Variants in PACRGL observed in about 807,000 individuals in gnomAD.
PACRGL encodes the protein PACRG-like protein.
Under a neutral mutation model 34.5 loss-of-function variants are expected in PACRGL, and 38 were observed. The observed-to-expected ratio is 1.10, with a 90% confidence interval of 0.85 to 1.44. The LOEUF (loss-of-function observed/expected upper bound fraction) is 1.44. PACRGL is among the 40% of genes most tolerant of loss of function. The pLI is 0.00. For synonymous variants in PACRGL, 128 were observed against 100.1 expected (o/e 1.28, Z -1.66); for missense variants, 305 against 281.4 (o/e 1.08, Z -0.60).
rs12640054 is a variant in PACRGL, at chr4:20,722,627, G to A, written c.610-2181G>A. ...CTGCCTGCCTGTGTGGTTGACTTTA[G>A]TCTACACCCTCTCTAGAAATCGAGC... On this transcript the variant is annotated intron_variant, in intron 7 of 8. Transcript: ENST00000503585. Among the ~76,000 whole-genome samples the A allele has an allele frequency of 2.3e-3, 354 of 152,200 alleles. 8 individuals are homozygous for A. The South Asian group carries it at 0.046, about 20-fold the overall frequency.
At position 20,730,493 on chromosome 4, in the gene PACRGL, C is replaced by T. The variant is rs1426556339; in HGVS notation, c.*3152C>T. Among the ~76,000 whole-genome samples, 2 of 152,078 alleles carry T rather than the reference C, an allele frequency of 1.3e-5. No homozygotes were observed. Among genetic ancestry groups the T allele is most frequent in the African/African-American group, 4.8e-5 (2 of 41,406 alleles). On this transcript the variant is annotated 3_prime_UTR_variant, in exon 9 of 9. Coordinates refer to ENST00000503585, the MANE Select transcript of PACRGL (RefSeq NM_001258345.3). ...TTTGGCATTCTATGTAGATCACAGG[C>T]CAAATCACACAGACTTTTATACAGG...
the PACRGL span, among the ~76,000 whole-genome samples, chr4:20,764,677 A>G: frequency 1.2e-5 from 1 of 84,304 alleles, no homozygotes; most frequent in Admixed American, 1.5e-4. Context: ...TCACATGGGA[A>G]TTGGACACAC....
intron 7 of PACRGL, among the ~76,000 whole-genome samples, chr4:20,721,005 T>C (rs1176038152): frequency 1.3e-5 from 2 of 152,218 alleles, no homozygotes; most frequent in Non-Finnish European, 2.9e-5. Context: ...TCCATATTTC[T>C]TGGAGGCTTT....
rs1747989489 is a variant in PACRGL at position 20,730,979 on chromosome 4, C to T, written c.*3638C>T. On this transcript the variant is annotated 3_prime_UTR_variant, in exon 9 of 9. Transcript: ENST00000503585. ...CTGCATGGAAATCCAAGTTGAGAGA[C>T]AAGCAGACATCCAGAAAAGTAAGAA... Among the ~76,000 whole-genome samples, 1 of 152,118 alleles carries T rather than the reference C, an allele frequency of 6.6e-6. No individual in the cohort carries two copies. Among genetic ancestry groups the T allele is most frequent in the African/African-American group, 2.4e-5 (1 of 41,422 alleles).
At chr4:20,760,510 A>G in the PACRGL span, among the ~76,000 whole-genome samples, 1 of 152,026 alleles carries the variant, frequency 6.6e-6, no homozygotes, top group Non-Finnish European at 1.5e-5. Context: ...CTATTTTCTC[A>G]TTTGTTGTTT....
chr4:20,742,860 A>C (rs1224938838), intron 8 of PACRGL, among the ~76,000 whole-genome samples: 1 of 152,202 alleles, frequency 6.6e-6, no homozygotes, highest in Non-Finnish European at 1.5e-5. Context: ...AAGCAACTTA[A>C]GCGAAGTCTC....
chr4:20,730,019 C>G lies in PACRGL; in HGVS notation c.*2678C>G, dbSNP rs1298731490. The G allele has an allele frequency of 6.5e-7, 1 of 1,539,288 alleles. No homozygotes were observed. Among genetic ancestry groups the G allele is most frequent in the African/African-American group, 1.4e-5 (1 of 71,962 alleles). On this transcript the variant is annotated 3_prime_UTR_variant, in exon 9 of 9. Coordinates refer to ENST00000503585, the MANE Select transcript of PACRGL (RefSeq NM_001258345.3). ...GCAATCTATGCTAAAAGTGGTAGCT[C>G]CAACTTTAAGGGTGGTAGAATAGTT...
At chr4:20,701,047 G>GAATTTTTAGA (rs1731938512) in intron 1 of PACRGL, among the ~76,000 whole-genome samples, 2 of 152,194 alleles carry the variant, frequency 1.3e-5, no homozygotes, top group African/African-American at 4.8e-5. Context: ...TTGGGCTCTG[G>GAATTTTTAGA]GTCTTTTAGA....
rs111289569 is a variant in PACRGL at position 20,747,172 on chromosome 4, A to G, written c.*57-5393A>G. Among the ~76,000 whole-genome samples the G allele has an allele frequency of 7.1e-3, 1,076 of 152,314 alleles. 14 individuals carry two copies. The highest frequency in any genetic ancestry group is 0.024 in the African/African-American group (990 of 41,568). Reference sequence around the variant, plus strand: ...ACATAAATATTATAAAAGCAATGTTATGCATGGTTCCATATCATTAACACC... The same window carrying G: ...ACATAAATATTATAAAAGCAATGTTGTGCATGGTTCCATATCATTAACACC... On this transcript the variant is annotated intron_variant, in intron 8 of 8. Coordinates refer to the PACRGL transcript ENST00000507634.
upstream of PACRGL, among the ~76,000 whole-genome samples, chr4:20,697,738 C>G (rs1731302596): frequency 6.6e-6 from 1 of 152,152 alleles, no homozygotes; most frequent in Non-Finnish European, 1.5e-5. Context: ...ATCGAAGTAT[C>G]AACAGATTCA....
Position 20,730,245 on chromosome 4 carries a change from G to C in PACRGL, c.*2904G>C. The C allele has an allele frequency of 1.5e-6, 2 of 1,295,158 alleles. No homozygotes were observed. Among genetic ancestry groups the C allele is most frequent in the Non-Finnish European group, 2.1e-6 (2 of 967,692 alleles). The allele number at this position is 1,295,158 out of a possible 1,614,324, so 80.2% of individuals were successfully genotyped here. On this transcript the variant is annotated 3_prime_UTR_variant, in exon 9 of 9. Transcript: ENST00000503585. ...ACCACCTCAACCACCTATGCCAAAA[G>C]CTCAAATATTAAGTGTTTGCAAATG...
intron 4 of PACRGL, among the ~76,000 whole-genome samples, chr4:20,708,774 A>T (rs1370217225): frequency 6.6e-6 from 1 of 152,214 alleles, no homozygotes; most frequent in African/African-American, 2.4e-5. Flanking sequence ...TTGTGATGAT[A>T]GTTCCTTGAG....
chr4:20,735,982 T>C (rs942302049), downstream of PACRGL, among the ~76,000 whole-genome samples: 1 of 152,356 alleles, frequency 6.6e-6, no homozygotes, highest in Non-Finnish European at 1.5e-5. Context: ...CTCACATTCC[T>C]TCCTTTTATA....
Position 20,704,519 on chromosome 4 carries a change from A to C in PACRGL, c.38A>C (p.Lys13Thr), listed in dbSNP as rs138774689. ...GAGGGCTCTGGAGGTACACAGTTGAAAAACAGAGCAACAGGTACAGAGCTT... is the reference window on the plus strand; with the variant it reads ...GAGGGCTCTGGAGGTACACAGTTGACAAACAGAGCAACAGGTACAGAGCTT... ...KSEGSGGTQLKNRATGNYDQR... is the reference protein window; with the variant it reads ...KSEGSGGTQLTNRATGNYDQR... Residue 13 changes from lysine to threonine, a missense_variant, in exon 2 of 9, where the codon AAA (lysine) becomes ACA (threonine). By Grantham distance (78) the Lys-to-Thr change is moderately conservative (BLOSUM62 -1). Transcript: ENST00000503585. 7 of 1,613,974 alleles carry C rather than the reference A, an allele frequency of 4.3e-6. No homozygotes were observed. The African/African-American group carries it at 6.7e-5, about 15-fold the overall frequency.
rs139185781 is a variant in PACRGL at position 20,717,803 on chromosome 4, T to A, written c.609+4264T>A. 3.2e-3 allele frequency among the ~76,000 whole-genome samples: 490 copies of A among 152,266 alleles called. 1 individual carries two copies. The highest frequency in any genetic ancestry group is 0.017 in the Middle Eastern group (5 of 294). ...GCTTTGTTCTTTTGGCTTAGGATTG[T>A]CTTGGCAATGTGGGCTCTTTTTTGT... On this transcript the variant is annotated intron_variant, in intron 7 of 8. Transcript: ENST00000503585.
downstream of PACRGL, among the ~76,000 whole-genome samples, chr4:20,733,032 G>A (rs113537302): frequency 3.9e-3 from 592 of 152,218 alleles, 4 homozygotes; most frequent in African/African-American, 0.013. Flanking sequence ...AAATTTCCAT[G>A]TATCTACCAT....
In PACRGL at chr4:20,724,825, G is replaced by GGACA; in HGVS notation, c.628_631dup (p.Lys211ArgfsTer25). 1 of 1,491,074 alleles carries GGACA rather than the reference G, an allele frequency of 6.7e-7. No homozygotes were observed. The highest frequency in any genetic ancestry group is 8.9e-7 in the Non-Finnish European group (1 of 1,129,032). The allele number at this position is 1,491,074 out of a possible 1,614,324, so 92.4% of individuals were successfully genotyped here. A position where few individuals can be genotyped will look rare whatever the true frequency, so the allele number is the denominator to read the frequency against. ...TTTAAAAGCTTTCCAAGAGATTAATGGACAAGAAATTCAAAGAGCCAATCA... is the reference window on the plus strand; with the variant it reads ...TTTAAAAGCTTTCCAAGAGATTAATGGACAGACAAGAAATTCAAAGAGCCAATCA... On this transcript the variant is annotated frameshift_variant, in exon 8 of 9. Coordinates refer to ENST00000503585, the MANE Select transcript of PACRGL (RefSeq NM_001258345.3). LOFTEE classifies it high-confidence loss of function.
rs548171843 is a variant in PACRGL at position 20,713,540 on chromosome 4, G to A, written c.609+1G>A. 1.0e-5 allele frequency: 16 copies of A among 1,597,026 alleles called. No homozygotes were observed. In the Admixed American group the frequency reaches 1.2e-4, roughly 12 times the overall value. On this transcript the variant is annotated splice_donor_variant, in intron 7 of 8. Transcript: ENST00000503585. LOFTEE classifies it high-confidence loss of function. The stretch of plus-strand genomic sequence containing the variant: ...CCATCTGAAGCATCTGCTTACAAGC[G>A]TAAGTACTGCAAAGATTAGATAATG...
downstream of PACRGL, among the ~76,000 whole-genome samples, chr4:20,736,684 G>A (rs981560995): frequency 2.0e-5 from 3 of 151,776 alleles, no homozygotes; most frequent in Non-Finnish European, 4.4e-5. Flanking sequence ...ATTTCAATTC[G>A]CTTTTAAGCA....
Sources: allele counts gnomAD v4.1 joint callset (sites outside exome capture counted in the v4.1 genomes callset), GRCh38; gene constraint gnomAD v4.1.1; transcripts MANE v1.5; gene names NCBI Gene and HGNC (gene_info 2026-07-23, HGNC 2026-07-21).